CUL4A: variants seen among roughly 807,000 people sequenced by gnomAD.
The protein encoded by CUL4A is cullin-4A.
Under a neutral mutation model 95.5 loss-of-function variants are expected in CUL4A, and 16 were observed. That is an observed-to-expected ratio of 0.17 (90% CI 0.11 to 0.25). CUL4A has a LOEUF of 0.25. Ranked by LOEUF, CUL4A falls within the 10% of genes least tolerant of loss-of-function variation. The pLI is 1.00. For synonymous variants in CUL4A, 380 were observed against 353.1 expected, an observed-to-expected ratio of 1.08 and a Z score of -0.85; for missense variants, 610 against 937.0, an observed-to-expected ratio of 0.65 and a Z score of 4.56.
chr13:113,252,162 C>A (rs1190619822), intron 15 of CUL4A, among the ~76,000 whole-genome samples: 2 of 152,082 alleles, frequency 1.3e-5, no homozygotes, highest in African/African-American at 2.4e-5. Flanking sequence ...AGGATCCGGG[C>A]GATGGGAAAG....
chr13:113,228,715 C>T (rs372082626), intron 4 of CUL4A, among the ~76,000 whole-genome samples: 4 of 151,942 alleles, frequency 2.6e-5, no homozygotes, highest in South Asian at 2.1e-4. Context: ...CTGCTCGCAA[C>T]GCAGAGTCAG....
chr13:113,246,616 GATATCAAGTA>G (rs2041864699), intron 15 of CUL4A, among the ~76,000 whole-genome samples: 1 of 152,214 alleles, frequency 6.6e-6, no homozygotes, highest in Non-Finnish European at 1.5e-5. Context: ...CCTTAAGCCT[GATATCAAGTA>G]AAGATGAATG....
At chr13:113,210,406 A>G (rs1407627624) in intron 2 of CUL4A, among the ~76,000 whole-genome samples, 1 of 152,260 alleles carries the variant, frequency 6.6e-6, no homozygotes. Flanking sequence ...CGTTATATGT[A>G]AAACTCATGA....
chr13:113,260,211 A>AAAAAAAAAAAAAAAAAAAAAAAAAAC (rs1197388632), intron 18 of CUL4A, among the ~76,000 whole-genome samples: 1 of 119,510 alleles, frequency 8.4e-6, no homozygotes, highest in Admixed American at 9.2e-5. Flanking sequence ...CTCAAAAAAA[A>AAAAAAAAAAAAAAAAAAAAAAAAAAC]AAAAAAAACC....
At chr13:113,222,069 G>A (rs1021675917) in intron 3 of CUL4A, among the ~76,000 whole-genome samples, 2 of 152,196 alleles carry the variant, frequency 1.3e-5, no homozygotes, top group African/African-American at 4.8e-5. Flanking sequence ...CAGCCCTGGC[G>A]CTGAGGAAGC....
rs1305488073 is a variant in CUL4A, at chr13:113,260,753, A to G, written c.2178A>G (p.Pro726=). ...AATTATATAATCAGCTGAAATTTCC[A>G]GTAAAGGTAAATGTAACATTAGCAT... ...VSELYNQLKF[P]VKPGDLKKRI... Residue 726 remains proline (P), a synonymous_variant, in exon 19 of 20, where the codon CCA becomes CCG. Transcript: ENST00000375440. 4 of 1,572,474 alleles carry G rather than the reference A, an allele frequency of 2.5e-6. No homozygotes were observed. Among genetic ancestry groups the G allele is most frequent in the Non-Finnish European group, 3.5e-6 (4 of 1,157,876 alleles).
At chr13:113,228,425 A>G (rs1443764877) in intron 4 of CUL4A, among the ~76,000 whole-genome samples, 1 of 152,198 alleles carries the variant, frequency 6.6e-6, no homozygotes, top group African/African-American at 2.4e-5. Flanking sequence ...CGTCATGTAT[A>G]CATTTTTAGT....
intron 15 of CUL4A, among the ~76,000 whole-genome samples, chr13:113,246,578 T>C (rs1216802348): frequency 1.3e-5 from 2 of 152,176 alleles, no homozygotes; most frequent in Non-Finnish European, 2.9e-5. Flanking sequence ...CAGCCTGCAA[T>C]CATGGAAGAC....
At chr13:113,239,392 T>C in intron 9 of CUL4A, 41 bp from the exon 10 acceptor site, 1 of 1,515,900 alleles carries the variant, frequency 6.6e-7, no homozygotes. Flanking sequence ...TTGTTAATGC[T>C]GCCCATGCTG....
rs1222343252 is a variant in CUL4A, at chr13:113,265,354, C to T, written c.*1772C>T. The T allele has an allele frequency of 6.6e-6, 1 of 152,252 alleles. No homozygotes were observed. The highest frequency in any genetic ancestry group is 1.5e-5 in the Non-Finnish European group (1 of 68,090). The allele number at this position is 152,252 out of a possible 1,614,324, so 9.4% of individuals were successfully genotyped here. On this transcript the variant is annotated 3_prime_UTR_variant, in exon 20 of 20. Coordinates refer to ENST00000375440, the MANE Select transcript of CUL4A (RefSeq NM_001008895.4). ...GTTTGAGCCTGAGTTCCAGACCATC[C>T]TGAGCACCATAGGGAGATCCTGTTT...
At chr13:113,237,943 T>C (rs2041597838) in intron 9 of CUL4A, among the ~76,000 whole-genome samples, 1 of 152,172 alleles carries the variant, frequency 6.6e-6, no homozygotes. Context: ...TTATCCCCAT[T>C]CTACAAATAA....
intron 2 of CUL4A, among the ~76,000 whole-genome samples, chr13:113,210,846 A>T (rs780798102): frequency 2.4e-4 from 37 of 152,252 alleles, no homozygotes; most frequent in Non-Finnish European, 5.1e-4. Context: ...ATTATAAAAA[A>T]TACAAAAAAG....
chr13:113,242,719 G>A (rs895262947), intron 10 of CUL4A, among the ~76,000 whole-genome samples: 2 of 152,190 alleles, frequency 1.3e-5, no homozygotes, highest in Non-Finnish European at 2.9e-5. Flanking sequence ...TTGGGAGGTT[G>A]AGGCTGCAGT....
intron 3 of CUL4A, among the ~76,000 whole-genome samples, chr13:113,225,160 G>A (rs143609108): frequency 1.3e-5 from 2 of 152,144 alleles, no homozygotes; most frequent in African/African-American, 2.4e-5. Context: ...TGTATAAATC[G>A]TTTAATGAAG....
intron 11 of CUL4A, among the ~76,000 whole-genome samples, 154 bp downstream of exon 11, chr13:113,243,314 A>G (rs936272814): frequency 6.6e-6 from 1 of 152,180 alleles, no homozygotes; most frequent in Non-Finnish European, 1.5e-5. Context: ...AAGTCTTATT[A>G]GGACACAAAT....
At chr13:113,208,872 T>C, upstream of CUL4A, 1 of 1,399,938 alleles carries the variant, frequency 7.1e-7, no homozygotes. Context: ...TCTGATTGTG[T>C]GTTCGGGCCC....
At chr13:113,210,960 T>TGAG (rs2139065888) in intron 2 of CUL4A, among the ~76,000 whole-genome samples, 1 of 152,366 alleles carries the variant, frequency 6.6e-6, no homozygotes, top group African/African-American at 2.4e-5. Flanking sequence ...GATGATGTTT[T>TGAG]CTTACCAGCT....
rs573342420 is a variant in CUL4A at position 113,217,108 on chromosome 13, C to T, written c.265-1837C>T. On this transcript the variant is annotated intron_variant, in intron 2 of 19. Transcript: ENST00000375440. ...TTCTTGGTCTAGGAATTAAAACATC[C>T]AGAAAATGGTCCTAAGTTACTGTTG... Among the ~76,000 whole-genome samples, 225 of 152,252 alleles carry T rather than the reference C, an allele frequency of 1.5e-3. 1 individual carries two copies. The highest frequency in any genetic ancestry group is 2.3e-3 in the Non-Finnish European group (155 of 68,014).
At chr13:113,210,377 A>G (rs1380335528) in intron 2 of CUL4A, among the ~76,000 whole-genome samples, 1 of 152,274 alleles carries the variant, frequency 6.6e-6, no homozygotes, top group African/African-American at 2.4e-5. Flanking sequence ...TTTTGCAAGT[A>G]TACGGCAAAT....
Sources: gnomAD v4.1 joint callset for allele counts (sites outside exome capture counted in the v4.1 genomes callset) on GRCh38, gnomAD v4.1.1 for gene constraint, MANE v1.5 for transcripts, NCBI Gene and HGNC (gene_info 2026-07-23, HGNC 2026-07-21) for gene names.